The following LRRC9 variants were observed in gnomAD, a reference collection of about 807,000 sequenced individuals.
LRRC9 encodes leucine-rich repeat-containing protein 9.
Under a neutral mutation model 63.2 loss-of-function variants are expected in LRRC9, and 122 were observed. That is an observed-to-expected ratio of 1.93 (90% confidence interval 1.67 to 2.24). The LOEUF (loss-of-function observed/expected upper bound fraction) is 2.24, where lower values mean the gene tolerates loss of function less well. LRRC9 is among the 30% of genes most tolerant of loss of function. LRRC9 has a pLI of 0.00. For synonymous variants in LRRC9, 366 were observed against 213.1 expected (o/e 1.72, Z -6.25); for missense variants, 1,071 against 627.7 (o/e 1.71, Z -7.55).
intron 10 of LRRC9, among the ~76,000 whole-genome samples, chr14:59,961,797 T>C (rs763624228): frequency 2.0e-5 from 3 of 152,186 alleles, no homozygotes; most frequent in Non-Finnish European, 4.4e-5. Context: ...AAAAATATTG[T>C]TAAGTATCAC....
intron 28 of LRRC9, among the ~76,000 whole-genome samples, 187 bp downstream of exon 28, chr14:60,028,288 G>T (rs1436334314): frequency 1.3e-5 from 2 of 151,962 alleles, no homozygotes; most frequent in Non-Finnish European, 2.9e-5. Context: ...CTAGACTTCA[G>T]AACTGGACAA....
rs1313302286 is a variant in LRRC9, at chr14:60,003,445, C to T, written c.2665-176C>T. ...TAAGTCCTTCTTGGAGTTATAATCTCGTCAAATTTTACTTTTCTGTAAACT... is the reference window on the plus strand; with the variant it reads ...TAAGTCCTTCTTGGAGTTATAATCTTGTCAAATTTTACTTTTCTGTAAACT... On this transcript the variant is annotated intron_variant, in intron 20 of 31. Coordinates refer to ENST00000445360, the Ensembl canonical transcript of LRRC9. The surrounding 1 kb of genome is among the most constrained non-coding windows in gnomAD (Gnocchi z 4.2). 1.3e-5 allele frequency among the ~76,000 whole-genome samples: 2 copies of T among 152,200 alleles called. No homozygotes were observed.
rs758477927 is a variant in LRRC9, at chr14:59,930,291, C to T, written c.268-627C>T. 2.0e-5 allele frequency among the ~76,000 whole-genome samples: 3 copies of T among 151,496 alleles called. No individual in the cohort carries two copies. Among genetic ancestry groups the T allele is most frequent in the African/African-American group, 7.3e-5 (3 of 41,252 alleles). The stretch of plus-strand genomic sequence containing the variant: ...AGAGCCATCACAGAAATGCACAGGG[C>T]ATACGTTTTGTCTTAGAAGTCCCTA... On this transcript the variant is annotated intron_variant, in intron 3 of 31. Transcript: ENST00000445360. The surrounding 1 kb of genome is among the most constrained non-coding windows in gnomAD (Gnocchi z 4.9).
chr14:60,055,744 AAAC>A (rs869143922), intron 30 of LRRC9, among the ~76,000 whole-genome samples: 1 of 148,652 alleles, frequency 6.7e-6, no homozygotes, highest in Non-Finnish European at 1.5e-5. Context: ...AAAAAAAAAA[AAAC>A]AAAAAAAACT....
chr14:60,019,039 T>C, intron 25 of LRRC9, 82 bp from the exon 26 acceptor site: 1 of 540,528 alleles, frequency 1.9e-6, no homozygotes, highest in Non-Finnish European at 3.3e-6. Flanking sequence ...TATTATTAAA[T>C]TATGTGGTAT....
In LRRC9 at chr14:59,980,916, G is replaced by A. The variant is rs186006883; in HGVS notation, c.1879-932G>A. On this transcript the variant is annotated intron_variant, in intron 15 of 31. Coordinates refer to ENST00000445360, the Ensembl canonical transcript of LRRC9. ...TGGTTCCATCATCCTCCTGCTTGCC[G>A]CTTTATGAGCTCTTTTGATGTGATG... is the stretch of plus-strand genomic sequence containing the variant. Among the ~76,000 whole-genome samples, 111 of 152,132 alleles carry A rather than the reference G, an allele frequency of 7.3e-4. 1 individual carries two copies. The highest frequency in any genetic ancestry group is 2.5e-3 in the African/African-American group (103 of 41,536).
intron 29 of LRRC9, among the ~76,000 whole-genome samples, chr14:60,046,650 C>T (rs1159614025): frequency 6.6e-6 from 1 of 152,146 alleles, no homozygotes; most frequent in Non-Finnish European, 1.5e-5. Flanking sequence ...TTTTGTACCA[C>T]TACCGTGCTG....
exon 20 of LRRC9, chr14:60,002,045 C>G (rs115819353): frequency 2.8e-6 from 2 of 702,090 alleles, no homozygotes; most frequent in Admixed American, 2.0e-5. Context: ...AAAATTCTGA[C>G]GCAGGTTTCA....
intron 21 of LRRC9, among the ~76,000 whole-genome samples, 178 bp from the exon 22 acceptor site, chr14:60,006,219 T>C (rs1889796719): frequency 6.6e-6 from 1 of 152,164 alleles, no homozygotes; most frequent in Non-Finnish European, 1.5e-5. Context: ...ATGGGGCTTA[T>C]ACACAAGATT....
intron 13 of LRRC9, among the ~76,000 whole-genome samples, chr14:59,975,154 T>TAC (rs577978528): frequency 0.18 from 5,014 of 28,208 alleles, 1,107 homozygotes; most frequent in African/African-American, 0.3. Context: ...TATATATGTA[T>TAC]ATATATATAT....
chr14:60,057,089 A>G (rs1444032978), intron 30 of LRRC9, among the ~76,000 whole-genome samples: 1 of 152,152 alleles, frequency 6.6e-6, no homozygotes, highest in Non-Finnish European at 1.5e-5. Context: ...TCTTGGTAAC[A>G]CTTACTGAAG....
At position 59,981,783 on chromosome 14, in the gene LRRC9, T is replaced by C. The variant is rs1886954236; in HGVS notation, c.1879-65T>C. ...TGTCAACTCATCTTTTCTACATAGCTTGTTTGTTTTTCAAAATGATAAATA... is the reference window on the plus strand; with the variant it reads ...TGTCAACTCATCTTTTCTACATAGCCTGTTTGTTTTTCAAAATGATAAATA... On this transcript the variant is annotated intron_variant, in intron 15 of 31. Transcript: ENST00000445360. 1.9e-5 allele frequency: 12 copies of C among 640,640 alleles called. No homozygotes were observed. The South Asian group carries it at 2.2e-4, about 12-fold the overall frequency. The allele number at this position is 640,640 out of a possible 1,614,324, so 39.7% of individuals were successfully genotyped here. A position where few individuals can be genotyped will look rare whatever the true frequency, so the allele number is the denominator to read the frequency against.
chr14:60,001,073 A>G (rs1302848326), intron 19 of LRRC9, among the ~76,000 whole-genome samples: 2 of 152,168 alleles, frequency 1.3e-5, no homozygotes, highest in African/African-American at 4.8e-5. Context: ...CAAAAACTTT[A>G]AAGTCTGACA....
intron 16 of LRRC9, among the ~76,000 whole-genome samples, chr14:59,984,488 T>C (rs1178695584): frequency 6.6e-6 from 1 of 152,218 alleles, no homozygotes; most frequent in Non-Finnish European, 1.5e-5. Context: ...GAAAAACATA[T>C]AGGCATCAGG....
intron 15 of LRRC9, among the ~76,000 whole-genome samples, chr14:59,980,750 T>C (rs1376453505): frequency 6.6e-6 from 1 of 152,180 alleles, no homozygotes; most frequent in Non-Finnish European, 1.5e-5. Flanking sequence ...TGGGATTATA[T>C]TAGTCAAGTA....
At chr14:59,981,894 A>G in exon 16 of LRRC9, 1 of 702,268 alleles carries the variant, frequency 1.4e-6, no homozygotes, top group South Asian at 1.5e-5. Flanking sequence ...GTTATTCTAG[A>G]AGAAAGCAAA....
At chr14:60,006,033 A>T (rs1235031092) in intron 21 of LRRC9, among the ~76,000 whole-genome samples, 4 of 152,098 alleles carry the variant, frequency 2.6e-5, no homozygotes, top group Non-Finnish European at 2.9e-5. Context: ...AGGGCTGGTG[A>T]TTATTTTGAG....
At chr14:59,965,001 A>G (rs967344854) in intron 10 of LRRC9, among the ~76,000 whole-genome samples, 2 of 152,204 alleles carry the variant, frequency 1.3e-5, no homozygotes, top group African/African-American at 4.8e-5. Context: ...CCCATCAGGA[A>G]GCTCACCTCT....
chr14:60,016,035 CTTG>C (rs1048528614), intron 23 of LRRC9, among the ~76,000 whole-genome samples: 3 of 152,086 alleles, frequency 2.0e-5, no homozygotes, highest in Admixed American at 2.0e-4. Flanking sequence ...TGGACTTTGT[CTTG>C]TTATTTCCTT....
Sources: gnomAD v4.1 joint callset for allele counts (sites outside exome capture counted in the v4.1 genomes callset) on GRCh38, gnomAD v4.1.1 for gene constraint, Gnocchi (gnomAD v3.1) non-coding constraint, MANE v1.5 for transcripts, NCBI Gene and HGNC (gene_info 2026-07-23, HGNC 2026-07-21) for gene names.